GRB10: variants seen among roughly 807,000 people sequenced by gnomAD.
GRB10 encodes the protein growth factor receptor bound protein 10, also known as growth factor receptor-bound protein 10.
GRB10 carries 20 observed loss-of-function variants against 80.9 expected under a neutral mutation model. The ratio of observed to expected loss-of-function variants is 0.25; its 90% CI spans 0.17 to 0.36. The LOEUF is 0.36. GRB10 is among the 10% of genes least tolerant of loss of function. The probability of loss-of-function intolerance (pLI) is 1.00; values close to 1 mark genes in which losing one functional copy is unlikely to be tolerated. For synonymous variants in GRB10, 291 were observed against 291.5 expected (o/e 1.00, Z 0.02); for missense variants, 548 against 747.7 (o/e 0.73, Z 3.12).
At chr7:50,786,068 A>G (rs959337463), upstream of GRB10, among the ~76,000 whole-genome samples, 2 of 152,150 alleles carry the variant, frequency 1.3e-5, no homozygotes, top group Non-Finnish European at 2.9e-5. Flanking sequence ...AAACTGCTCT[A>G]AAGTCTGTTT....
chr7:50,605,845 C>A (rs2048426867), intron 14 of GRB10, among the ~76,000 whole-genome samples: 1 of 152,162 alleles, frequency 6.6e-6, no homozygotes, highest in Non-Finnish European at 1.5e-5. Flanking sequence ...GGGGCAGATG[C>A]TGAAGGACCC....
intron 3 of GRB10, among the ~76,000 whole-genome samples, chr7:50,743,544 G>A (rs2072281913): frequency 6.6e-6 from 1 of 152,188 alleles, no homozygotes; most frequent in African/African-American, 2.4e-5. Context: ...CACACTAGCA[G>A]CATCCCCACT....
intron 4 of GRB10, among the ~76,000 whole-genome samples, chr7:50,725,840 A>G (rs921783467): frequency 2.0e-5 from 3 of 152,208 alleles, no homozygotes; most frequent in Admixed American, 6.5e-5. Flanking sequence ...ATCTTATGAA[A>G]AAGATAATCA....
chr7:50,769,695 T>C (rs1454707043), intron 2 of GRB10, among the ~76,000 whole-genome samples: 3 of 152,024 alleles, frequency 2.0e-5, no homozygotes, highest in Non-Finnish European at 4.4e-5. Context: ...CACATCTGTG[T>C]GTGTACTCAA....
chr7:50,792,702 G>A (rs2078981027), intron 1 of GRB10: 1 of 371,270 alleles, frequency 2.7e-6, no homozygotes, highest in Non-Finnish European at 4.8e-6. Flanking sequence ...GGGAGTGTCT[G>A]GCACCACTGT....
chr7:50,620,748 G>GA (rs1241482811), intron 8 of GRB10, among the ~76,000 whole-genome samples: 3 of 152,174 alleles, frequency 2.0e-5, no homozygotes, highest in Admixed American at 6.5e-5. Context: ...GATAGAAAAA[G>GA]AGAGAAACCA....
At chr7:50,699,368 T>C (rs1417680421) in intron 5 of GRB10, among the ~76,000 whole-genome samples, 1 of 152,242 alleles carries the variant, frequency 6.6e-6, no homozygotes, top group Non-Finnish European at 1.5e-5. Context: ...TTATGTATGA[T>C]GCAATGTTGT....
chr7:50,651,199 A>G (rs2057966317), intron 7 of GRB10, among the ~76,000 whole-genome samples: 1 of 152,222 alleles, frequency 6.6e-6, no homozygotes, highest in Non-Finnish European at 1.5e-5. Context: ...CATGGCTGCC[A>G]TAACAAAATG....
intron 7 of GRB10, among the ~76,000 whole-genome samples, chr7:50,662,095 T>C (rs1473261223): frequency 6.6e-6 from 1 of 152,230 alleles, no homozygotes; most frequent in Non-Finnish European, 1.5e-5. Context: ...GTGTTACTAC[T>C]GTCATTACCT....
intron 2 of GRB10, among the ~76,000 whole-genome samples, chr7:50,767,085 G>C (rs2074722): frequency 1.3e-5 from 2 of 151,974 alleles, no homozygotes; most frequent in Admixed American, 6.5e-5. Flanking sequence ...CAATGTAATC[G>C]AACTTTTCTG....
chr7:50,602,279 G>T (rs1451346168), intron 17 of GRB10, among the ~76,000 whole-genome samples: 1 of 152,218 alleles, frequency 6.6e-6, no homozygotes, highest in Non-Finnish European at 1.5e-5. Flanking sequence ...AGTTCACCAA[G>T]GGCTGCTAAA....
chr7:50,744,388 C>T (rs745870234), intron 3 of GRB10, among the ~76,000 whole-genome samples: 1 of 152,170 alleles, frequency 6.6e-6, no homozygotes, highest in Admixed American at 6.5e-5. Context: ...ATAAACATTA[C>T]ACAGCTGAGC....
chr7:50,650,288 T>C (rs1006926132), intron 7 of GRB10, among the ~76,000 whole-genome samples: 1 of 152,128 alleles, frequency 6.6e-6, no homozygotes, highest in Non-Finnish European at 1.5e-5. Flanking sequence ...ATGAGACCCA[T>C]TTCAGGCACC....
intron 15 of GRB10, 30 bp from the exon 16 acceptor site, chr7:50,604,407 G>C: frequency 1.3e-6 from 2 of 1,579,478 alleles, no homozygotes; most frequent in Non-Finnish European, 1.7e-6. Context: ...TTAGCACCGA[G>C]GACAGCAGAC....
chr7:50,723,981 A>T (rs2068173715), intron 4 of GRB10, among the ~76,000 whole-genome samples: 1 of 152,248 alleles, frequency 6.6e-6, no homozygotes, highest in Non-Finnish European at 1.5e-5. Flanking sequence ...TAGCAAAAGC[A>T]CAGCGGAGTC....
intron 7 of GRB10, among the ~76,000 whole-genome samples, chr7:50,645,190 T>C (rs542678517): frequency 1.3e-5 from 2 of 152,234 alleles, no homozygotes; most frequent in African/African-American, 2.4e-5. Flanking sequence ...GCTAATAATC[T>C]TTATACTGCC....
chr7:50,763,118 C>CA (rs200821473), intron 2 of GRB10, among the ~76,000 whole-genome samples: 12,408 of 102,286 alleles, frequency 0.12, 653 homozygotes, highest in East Asian at 0.24. Flanking sequence ...ACTCCGTCTC[C>CA]AAAAAAAAAA....
In GRB10 at chr7:50,646,673, C is replaced by T. The variant is rs140045818; in HGVS notation, c.505-19695G>A. ...ATTGTCACGCCCTGACTGAATGAAC[C>T]AGCTTCTTTGGAAAGAGATGAGTGG... On this transcript the variant is annotated intron_variant, in intron 7 of 18. Transcript: ENST00000401949. Among the ~76,000 whole-genome samples the T allele has an allele frequency of 8.8e-3, 1,345 of 152,252 alleles. 24 individuals carry two copies. Among genetic ancestry groups the T allele is most frequent in the African/African-American group, 0.03 (1,262 of 41,546 alleles).
chr7:50,630,691 GC>G (rs1335767150), intron 7 of GRB10, among the ~76,000 whole-genome samples: 1 of 152,142 alleles, frequency 6.6e-6, no homozygotes, highest in Non-Finnish European at 1.5e-5. Flanking sequence ...CTGCAAAAAA[GC>G]CCCTAAATAG....
Sources: gnomAD v4.1 joint callset for allele counts (sites outside exome capture counted in the v4.1 genomes callset) on GRCh38, gnomAD v4.1.1 for gene constraint, MANE v1.5 for transcripts, NCBI Gene and HGNC (gene_info 2026-07-23, HGNC 2026-07-21) for gene names.